IRAK4: variants seen among roughly 807,000 people sequenced by gnomAD.
IRAK4 encodes the protein interleukin 1 receptor associated kinase 4.
In IRAK4, 44 loss-of-function variants were observed where a neutral mutation model predicts 51.8. The ratio of observed to expected loss-of-function variants is 0.85; its 90% CI spans 0.67 to 1.09. The LOEUF (loss-of-function observed/expected upper bound fraction) is 1.09. Among genes scored for constraint, IRAK4 ranks in the 50% least tolerant of loss-of-function variants. The pLI, the probability that IRAK4 is intolerant of heterozygous loss-of-function variation, is 0.00. For synonymous variants in IRAK4, 149 were observed against 174.1 expected, an observed-to-expected ratio of 0.86 and a Z score of 1.13; for missense variants, 487 against 538.0, an observed-to-expected ratio of 0.91 and a Z score of 0.94.
chr12:43,782,479 A>G lies in IRAK4; in HGVS notation c.1114A>G (p.Ser372Gly). ...GEITPKSDIY[S>G]FGVVLLEIIT... ...AATAACACCCAAATCTGATATTTACAGCTTTGGTGTGGTAAGTTCCGTATA... is the reference window on the plus strand; with the variant it reads ...AATAACACCCAAATCTGATATTTACGGCTTTGGTGTGGTAAGTTCCGTATA... The change falls in exon 9 of 12, where the codon AGC becomes GGC. Residue 372 changes from serine (S) to glycine (G), a missense_variant. Ser to Gly is a moderately conservative substitution (Grantham distance 56). Transcript: ENST00000613694. The G allele has an allele frequency of 6.2e-7, 1 of 1,613,076 alleles. No homozygotes were observed. The highest frequency in any genetic ancestry group is 8.5e-7 in the Non-Finnish European group (1 of 1,179,062).
chr12:43,762,732 A>T (rs1939697517), intron 1 of IRAK4, among the ~76,000 whole-genome samples: 1 of 152,180 alleles, frequency 6.6e-6, no homozygotes, highest in Admixed American at 6.5e-5. Context: ...CAATCAGGGG[A>T]AGCTAACAGT....
chr12:43,782,250 T>C, intron 8 of IRAK4, 57 bp from the exon 9 acceptor site: 3 of 1,171,456 alleles, frequency 2.6e-6, no homozygotes, highest in Non-Finnish European at 3.8e-6. Context: ...AAGGAACTGT[T>C]TGACTTTTTT....
At chr12:43,766,034 T>C (rs759256361) in intron 1 of IRAK4, among the ~76,000 whole-genome samples, 1 of 152,206 alleles carries the variant, frequency 6.6e-6, no homozygotes, top group African/African-American at 2.4e-5. Flanking sequence ...CTTGCCTCAA[T>C]ATACATCCCT....
intron 2 of IRAK4, 144 bp from the exon 3 acceptor site, chr12:43,771,076 C>T (rs556591802): frequency 8.1e-5 from 62 of 765,254 alleles, no homozygotes; most frequent in East Asian, 7.7e-4. Context: ...TGCAGCCTCT[C>T]GATCTTGGAC....
At chr12:43,765,546 T>C (rs954457849) in intron 1 of IRAK4, among the ~76,000 whole-genome samples, 6 of 152,162 alleles carry the variant, frequency 3.9e-5, no homozygotes, top group African/African-American at 1.4e-4. Flanking sequence ...TTTCAAACTG[T>C]CTTATTCTTC....
Position 43,771,361 on chromosome 12 carries a change from C to T in IRAK4, c.303C>T (p.Leu101=), listed in dbSNP as rs371634312. 10 of 1,614,050 alleles carry T rather than the reference C, an allele frequency of 6.2e-6. No individual in the cohort carries two copies. The highest frequency in any genetic ancestry group is 1.1e-5 in the South Asian group (1 of 91,080). ...TTTTTGCTCCTGCGAGTCTTTTGCT[C>T]CCAGGTAAACTGATTGTGACCAGGG... ...NEFFAPASLL[L]PDAVPKTANT... is the part of the protein sequence containing the mutation. Residue 101 remains leucine, a synonymous_variant, in exon 3 of 12, where the codon CTC becomes CTT. Transcript: ENST00000613694.
chr12:43,786,732 A>G lies in IRAK4; in HGVS notation c.*17A>G, dbSNP rs748253330. 6.2e-7 allele frequency: 1 copy of G among 1,606,234 alleles called. No homozygotes were observed. Among genetic ancestry groups the G allele is most frequent in the Admixed American group, 1.7e-5 (1 of 59,914 alleles). ...GCTTCTTAAAACTTTATTGGAAAAG[A>G]CTCTTGACTTTTTATATACACCTAT... On this transcript the variant is annotated 3_prime_UTR_variant, in exon 12 of 12. Coordinates refer to ENST00000613694, the MANE Select transcript of IRAK4 (RefSeq NM_016123.4).
Position 43,771,348 on chromosome 12 carries a change from C to G in IRAK4, c.290C>G (p.Ala97Gly). The G allele has an allele frequency of 6.2e-7, 1 of 1,614,100 alleles. No individual in the cohort carries two copies. The highest frequency in any genetic ancestry group is 8.5e-7 in the Non-Finnish European group (1 of 1,179,980). Residue 97 changes from alanine (A) to glycine (G), a missense_variant, in exon 3 of 12, where the codon GCG becomes GGG. Coordinates refer to ENST00000613694, the MANE Select transcript of IRAK4 (RefSeq NM_016123.4). ...LLIQNEFFAP[A>G]SLLLPDAVPK... ...ATCCAAAATGAATTTTTTGCTCCTG[C>G]GAGTCTTTTGCTCCCAGGTAAACTG... is the stretch of plus-strand genomic sequence containing the variant.
At position 43,787,438 on chromosome 12, in the gene IRAK4, A is replaced by C. The variant is rs1942290579; in HGVS notation, c.*723A>C. ...ACTGTTGAAAGGGCCTGACCTAATC[A>C]AGTGAACCCTTGCAAGAAGAATTCT... On this transcript the variant is annotated 3_prime_UTR_variant, in exon 12 of 12. Coordinates refer to ENST00000613694, the MANE Select transcript of IRAK4 (RefSeq NM_016123.4). 6.6e-6 allele frequency: 1 copy of C among 152,234 alleles called. No individual in the cohort carries two copies. Among genetic ancestry groups the C allele is most frequent in the African/African-American group, 2.4e-5 (1 of 41,456 alleles). 9.4% of individuals were successfully genotyped at this position (152,234 alleles called of 1,614,324 possible). A position where few individuals can be genotyped will look rare whatever the true frequency, so the allele number is the denominator to read the frequency against.
chr12:43,782,880 C>T (rs1941901345), intron 9 of IRAK4, among the ~76,000 whole-genome samples: 1 of 152,058 alleles, frequency 6.6e-6, no homozygotes, highest in Admixed American at 6.6e-5. Flanking sequence ...AAGCCGGGGG[C>T]TTTTTCTTCA....
At chr12:43,785,649 T>A (rs1942150384) in intron 10 of IRAK4, among the ~76,000 whole-genome samples, 1 of 148,942 alleles carries the variant, frequency 6.7e-6, no homozygotes, top group Admixed American at 6.7e-5. Context: ...TATATATATA[T>A]ATATACACAT....
In IRAK4 at chr12:43,789,172, T is replaced by C. The variant is rs1264144395; in HGVS notation, c.*2457T>C. The C allele has an allele frequency of 6.6e-6, 1 of 152,098 alleles. No homozygotes were observed. Among genetic ancestry groups the C allele is most frequent in the Non-Finnish European group, 1.5e-5 (1 of 68,040 alleles). The allele number at this position is 152,098 out of a possible 1,614,324, so 9.4% of individuals were successfully genotyped here. A position where few individuals can be genotyped will look rare whatever the true frequency, so the allele number is the denominator to read the frequency against. ...TTTCATGTTTAAATGTAATCCCCAG[T>C]GTTGGGGGTGGAGGTGGGGCCTGAT... On this transcript the variant is annotated 3_prime_UTR_variant, in exon 12 of 12. Coordinates refer to ENST00000613694, the MANE Select transcript of IRAK4 (RefSeq NM_016123.4).
In IRAK4 at chr12:43,783,955, T is replaced by C. The variant is rs573771729; in HGVS notation, c.1188+231T>C. Among the ~76,000 whole-genome samples, 200 of 152,302 alleles carry C rather than the reference T, an allele frequency of 1.3e-3. 2 individuals carry two copies. Among genetic ancestry groups the C allele is most frequent in the African/African-American group, 4.3e-3 (178 of 41,578 alleles). ...TATATTCTTTGTTCTGATTTCTTTGTGGGTAAAATGAGAATAGAACTAAAT... is the reference window on the plus strand; with the variant it reads ...TATATTCTTTGTTCTGATTTCTTTGCGGGTAAAATGAGAATAGAACTAAAT... On this transcript the variant is annotated intron_variant, in intron 10 of 11. Transcript: ENST00000613694.
chr12:43,775,873 A>ATTTTTTTTTTTTTTT (rs1941212405), intron 6 of IRAK4, among the ~76,000 whole-genome samples: 1 of 119,518 alleles, frequency 8.4e-6, no homozygotes, highest in African/African-American at 3.6e-5. Flanking sequence ...TAATATCATT[A>ATTTTTTTTTTTTTTT]CTTTTTTTTT....
Position 43,773,583 on chromosome 12 carries a change from A to G in IRAK4, c.652-382A>G, listed in dbSNP as rs560291362. ...GCCTAAAAATATCAATAGAATGCATATGTATGTGATAAAGATAGTCACTCT... is the reference window on the plus strand; with the variant it reads ...GCCTAAAAATATCAATAGAATGCATGTGTATGTGATAAAGATAGTCACTCT... On this transcript the variant is annotated intron_variant, in intron 5 of 11. Transcript: ENST00000613694. 1.3e-3 allele frequency among the ~76,000 whole-genome samples: 197 copies of G among 152,236 alleles called. 2 individuals carry two copies. Among genetic ancestry groups the G allele is most frequent in the African/African-American group, 4.2e-3 (175 of 41,544 alleles).
intron 1 of IRAK4, among the ~76,000 whole-genome samples, chr12:43,766,793 A>G (rs1940195664): frequency 6.6e-6 from 1 of 152,236 alleles, no homozygotes; most frequent in Non-Finnish European, 1.5e-5. Flanking sequence ...CAATACCATT[A>G]TCTACAGTAT....
rs1330585598 is a variant in IRAK4, at chr12:43,788,872, C to G, written c.*2157C>G. On this transcript the variant is annotated 3_prime_UTR_variant, in exon 12 of 12. Transcript: ENST00000613694. ...CTTGCCAGGATCCTGTTGCCCCTTT[C>G]TTTAGCCAATTTCTCCCTTTTGGGA... The G allele has an allele frequency of 1.3e-5, 2 of 152,126 alleles. No individual in the cohort carries two copies. Among genetic ancestry groups the G allele is most frequent in the African/African-American group, 4.8e-5 (2 of 41,428 alleles). The allele number at this position is 152,126 out of a possible 1,614,324, so 9.4% of individuals were successfully genotyped here.
chr12:43,783,801 T>C (rs186610225), intron 10 of IRAK4, 77 bp downstream of exon 10: 103 of 954,426 alleles, frequency 1.1e-4, no homozygotes, highest in Non-Finnish European at 5.1e-5. Flanking sequence ...AAATTTGACA[T>C]CTAAAAATAA....
chr12:43,776,146 A>G lies in IRAK4; in HGVS notation c.717-1484A>G, dbSNP rs117115272. ...ATCTGCCTGCCTCGGCTGGGAATACAGGCGTGAGTCACTGCGCCCGGCCTA... is the reference window on the plus strand; with the variant it reads ...ATCTGCCTGCCTCGGCTGGGAATACGGGCGTGAGTCACTGCGCCCGGCCTA... On this transcript the variant is annotated intron_variant, in intron 6 of 11. Transcript: ENST00000613694. Among the ~76,000 whole-genome samples the G allele has an allele frequency of 2.5e-4, 38 of 152,240 alleles. No homozygotes were observed. The East Asian group carries it at 4.6e-3, about 19-fold the overall frequency.
Sources: allele counts gnomAD v4.1 joint callset (sites outside exome capture counted in the v4.1 genomes callset), GRCh38; gene constraint gnomAD v4.1.1; transcripts MANE v1.5; gene names NCBI Gene and HGNC (gene_info 2026-07-23, HGNC 2026-07-21).